MREG: variants seen among roughly 807,000 people sequenced by gnomAD.
MREG encodes melanoregulin.
In MREG, 31 loss-of-function variants were observed where a neutral mutation model predicts 28.5. The observed-to-expected ratio is 1.09, with a 90% CI of 0.82 to 1.47. The LOEUF (loss-of-function observed/expected upper bound fraction) is 1.47. Among genes scored for constraint, MREG ranks in the 40% most tolerant of loss-of-function variants. MREG has a pLI of 0.00. For missense variants in MREG, 256 were observed against 257.4 expected (o/e 0.99, Z 0.04); for synonymous variants, 106 against 95.2 (o/e 1.11, Z -0.66).
intron 3 of MREG, among the ~76,000 whole-genome samples, chr2:215,946,780 A>G (rs1692333407): frequency 6.6e-6 from 1 of 152,248 alleles, no homozygotes. Flanking sequence ...TGCGTACCCT[A>G]TACTAGGGAC....
At chr2:215,983,247 G>A (rs12476892) in intron 2 of MREG, among the ~76,000 whole-genome samples, 26,491 of 152,172 alleles carry the variant, frequency 0.17, 2,652 homozygotes, top group South Asian at 0.25. Flanking sequence ...AGATGGCCCC[G>A]AAAGAGTGGG....
upstream of MREG, among the ~76,000 whole-genome samples, chr2:216,014,733 C>CT (rs1694403020): frequency 6.6e-6 from 1 of 151,998 alleles, no homozygotes; most frequent in Admixed American, 6.6e-5. Flanking sequence ...GGTCAGGTGC[C>CT]TTTTTAATTT....
chr2:216,030,927 T>TTCTCTCTCTC, intron 1 of MREG, among the ~76,000 whole-genome samples: 1 of 130,870 alleles, frequency 7.6e-6, no homozygotes, highest in Non-Finnish European at 1.6e-5. Flanking sequence ...ATGAGGCCCA[T>TTCTCTCTCTC]TCTCTCTCTC....
At chr2:216,009,047 A>G (rs986085252) in intron 1 of MREG, among the ~76,000 whole-genome samples, 2 of 152,158 alleles carry the variant, frequency 1.3e-5, no homozygotes, top group Non-Finnish European at 2.9e-5. Flanking sequence ...TCGCTTGAAC[A>G]CTGAATTAGT....
chr2:215,954,686 T>C (rs1031062246), intron 2 of MREG, among the ~76,000 whole-genome samples: 1 of 151,998 alleles, frequency 6.6e-6, no homozygotes, highest in African/African-American at 2.4e-5. Flanking sequence ...GCTTCTTTTT[T>C]CTTATGCATT....
At chr2:215,939,537 CAAT>C (rs1692171515), downstream of MREG, 1 of 152,052 alleles carries the variant, frequency 6.6e-6, no homozygotes, top group Non-Finnish European at 1.5e-5. Context: ...AACAATATTC[CAAT>C]AATAAGATCC....
rs1029070740 is a variant in MREG at position 216,010,421 on chromosome 2, G to A, written c.95+2812C>T. Among the ~76,000 whole-genome samples the A allele has an allele frequency of 3.2e-4, 46 of 141,712 alleles. 1 individual carries two copies. The highest frequency in any genetic ancestry group is 5.8e-4 in the Non-Finnish European group (39 of 66,786). The allele number at this position is 141,712 out of a possible 152,430, so 93.0% of individuals were successfully genotyped here. ...CGCCCAGGCTGGAGTGCAGTGGCGCGATCTCCATTCACTGCAAGCTCCGCC... is the reference window on the plus strand; with the variant it reads ...CGCCCAGGCTGGAGTGCAGTGGCGCAATCTCCATTCACTGCAAGCTCCGCC... On this transcript the variant is annotated intron_variant, in intron 1 of 4. Transcript: ENST00000263268.
intron 4 of MREG, among the ~76,000 whole-genome samples, chr2:215,945,342 G>C (rs971370864): frequency 2.6e-5 from 4 of 152,116 alleles, no homozygotes; most frequent in Admixed American, 2.0e-4. Flanking sequence ...TCTTGAGCTG[G>C]AACCCAAGCC....
chr2:216,010,571 A>G (rs1694275074), intron 1 of MREG, among the ~76,000 whole-genome samples: 1 of 149,854 alleles, frequency 6.7e-6, no homozygotes, highest in Non-Finnish European at 1.5e-5. Flanking sequence ...GTTAGCCAGG[A>G]TGGTCTTGAT....
intron 1 of MREG, among the ~76,000 whole-genome samples, chr2:216,029,102 CTTTA>C (rs150371337): frequency 0.013 from 1,956 of 151,968 alleles, 32 homozygotes; most frequent in African/African-American, 0.043. Flanking sequence ...TTATATTCAT[CTTTA>C]TTTATTTATT....
chr2:215,977,007 A>G (rs546818596), intron 2 of MREG, among the ~76,000 whole-genome samples: 1 of 152,364 alleles, frequency 6.6e-6, no homozygotes, highest in South Asian at 2.1e-4. Flanking sequence ...TCATAATGAC[A>G]GGACCAAATT....
intron 2 of MREG, among the ~76,000 whole-genome samples, chr2:215,973,917 G>C (rs1246458463): frequency 6.6e-6 from 1 of 152,160 alleles, no homozygotes; most frequent in African/African-American, 2.4e-5. Context: ...CACACTTCTT[G>C]CATGCTTGTG....
At chr2:216,004,277 C>T (rs933404065) in intron 1 of MREG, among the ~76,000 whole-genome samples, 12 of 152,196 alleles carry the variant, frequency 7.9e-5, no homozygotes, top group African/African-American at 2.4e-4. Context: ...CCCTCCCTTG[C>T]TCTACTTTTG....
chr2:215,982,092 G>A (rs1693441926), intron 2 of MREG, among the ~76,000 whole-genome samples: 1 of 152,148 alleles, frequency 6.6e-6, no homozygotes, highest in Admixed American at 6.5e-5. Context: ...AGGCTGAGGT[G>A]GGTGGATCAC....
At position 216,030,108 on chromosome 2, in the gene MREG, GT is replaced by G. The variant is rs761312199; in HGVS notation, c.-68+2680del. Among the ~76,000 whole-genome samples the G allele has an allele frequency of 9.2e-5, 14 of 152,260 alleles. No individual in the cohort carries two copies. The East Asian group carries it at 2.5e-3, about 27-fold the overall frequency. ...TTAAAAGGTTATAAAGAAGATTTAG[GT>G]TTCAAATTTGTTCTAAAATACTTAT... On this transcript the variant is annotated intron_variant, in intron 1 of 3. Transcript: ENST00000420348.
At chr2:215,986,411 C>T (rs1280080845) in intron 2 of MREG, among the ~76,000 whole-genome samples, 2 of 152,166 alleles carry the variant, frequency 1.3e-5, no homozygotes, top group African/African-American at 4.8e-5. Flanking sequence ...TTTCCAATGC[C>T]ATTCAATATG....
chr2:215,982,344 A>AG (rs1243426254), intron 2 of MREG, among the ~76,000 whole-genome samples: 161 of 151,832 alleles, frequency 1.1e-3, no homozygotes, highest in Admixed American at 2.8e-3. Flanking sequence ...TCAAAAAAAA[A>AG]AAAAGAAAAG....
intron 1 of MREG, among the ~76,000 whole-genome samples, chr2:216,012,830 T>A (rs566906669): frequency 6.6e-6 from 1 of 152,192 alleles, no homozygotes; most frequent in African/African-American, 2.4e-5. Flanking sequence ...AATAGACAAC[T>A]TTTTTGCTGA....
intron 1 of MREG, among the ~76,000 whole-genome samples, chr2:216,022,629 GC>G (rs1694541882): frequency 6.6e-6 from 1 of 152,092 alleles, no homozygotes; most frequent in Non-Finnish European, 1.5e-5. Flanking sequence ...TCAATTCTCA[GC>G]CCCAGAGATG....
Sources: gnomAD v4.1 joint callset for allele counts (sites outside exome capture counted in the v4.1 genomes callset) on GRCh38, gnomAD v4.1.1 for gene constraint, MANE v1.5 for transcripts, NCBI Gene and HGNC (gene_info 2026-07-23, HGNC 2026-07-21) for gene names.